Variants in MRTFA observed in about 807,000 individuals in gnomAD.
The protein encoded by MRTFA is myocardin related transcription factor A.
MRTFA carries 20 observed loss-of-function variants against 83.5 expected under a neutral mutation model. That is an observed-to-expected ratio of 0.24 (90% confidence interval 0.17 to 0.35). MRTFA has a LOEUF of 0.35. MRTFA is among the 10% of genes least tolerant of loss of function. MRTFA has a pLI of 1.00. For synonymous variants in MRTFA, 659 were observed against 541.2 expected, an observed-to-expected ratio of 1.22 and a Z score of -3.02; for missense variants, 1,200 against 1,224.7, an observed-to-expected ratio of 0.98 and a Z score of 0.30.
intron 1 of MRTFA, among the ~76,000 whole-genome samples, chr22:40,624,633 G>A (rs1024708278): frequency 3.3e-5 from 5 of 151,986 alleles, no homozygotes; most frequent in African/African-American, 7.3e-5. Flanking sequence ...TCTAGAAAGC[G>A]TTTTCTAAGC....
In MRTFA at chr22:40,570,126, C is replaced by A. The variant is rs148206213; in HGVS notation, c.-21-17759G>T. Reference sequence around the variant, plus strand: ...TGCCCAATATCCTCTCTCACTCCTTCTTCCCAGTAAAAGAATACATAAGTT... The same window carrying A: ...TGCCCAATATCCTCTCTCACTCCTTATTCCCAGTAAAAGAATACATAAGTT... On this transcript the variant is annotated intron_variant, in intron 2 of 14. Transcript: ENST00000355630. Among the ~76,000 whole-genome samples, 3 of 152,296 alleles carry A rather than the reference C, an allele frequency of 2.0e-5. No homozygotes were observed. The East Asian group carries it at 5.8e-4, about 29-fold the overall frequency.
At chr22:40,420,640 C>T (rs758710197) in intron 10 of MRTFA, 64 bp from the exon 11 acceptor site, 20 of 1,583,162 alleles carry the variant, frequency 1.3e-5, no homozygotes, top group Non-Finnish European at 1.7e-5. Flanking sequence ...AGGTGGCAGC[C>T]CAAGCCTGGG....
At chr22:40,537,021 G>GC (rs1411926450) in intron 3 of MRTFA, among the ~76,000 whole-genome samples, 1 of 81,116 alleles carries the variant, frequency 1.2e-5, no homozygotes, top group Non-Finnish European at 2.5e-5. Context: ...GTGGGGGGGG[G>GC]TCAGCCCCCC....
Position 40,621,980 on chromosome 22 carries a change from G to A in MRTFA, c.-84+14498C>T, listed in dbSNP as rs1056962930. Among the ~76,000 whole-genome samples the A allele has an allele frequency of 1.1e-4, 17 of 152,256 alleles. No homozygotes were observed. In the South Asian group the frequency reaches 2.1e-3, roughly 19 times the overall value. On this transcript the variant is annotated intron_variant, in intron 1 of 14. Transcript: ENST00000355630. ...CAGAGTTGGTGACAGAAGAGATCTCGGGCTTGAGTTGATGTTGCAATGGGT... is the reference window on the plus strand; with the variant it reads ...CAGAGTTGGTGACAGAAGAGATCTCAGGCTTGAGTTGATGTTGCAATGGGT...
At chr22:40,461,793 C>T (rs764177924) in intron 4 of MRTFA, among the ~76,000 whole-genome samples, 5 of 151,778 alleles carry the variant, frequency 3.3e-5, no homozygotes, top group Non-Finnish European at 5.9e-5. Context: ...AGCAAGACTC[C>T]GTCTTAAAAA....
chr22:40,414,487 A>T (rs1334384527), intron 14 of MRTFA, among the ~76,000 whole-genome samples: 1 of 152,260 alleles, frequency 6.6e-6, no homozygotes, highest in African/African-American at 2.4e-5. Context: ...GTCCAGCCAC[A>T]GATGAATGGA....
chr22:40,471,468 GAAGA>G (rs1167671350), intron 3 of MRTFA, among the ~76,000 whole-genome samples: 1 of 152,220 alleles, frequency 6.6e-6, no homozygotes, highest in East Asian at 1.9e-4. Flanking sequence ...TATTGAAATT[GAAGA>G]AAGAAATAGA....
chr22:40,502,276 C>T (rs930977534), intron 3 of MRTFA, among the ~76,000 whole-genome samples: 3 of 131,990 alleles, frequency 2.3e-5, no homozygotes, highest in African/African-American at 5.9e-5. Context: ...GGGCGGCTGC[C>T]GGGCGGAGGG....
At chr22:40,546,341 G>A (rs1198036135) in intron 3 of MRTFA, among the ~76,000 whole-genome samples, 2 of 152,202 alleles carry the variant, frequency 1.3e-5, no homozygotes, top group African/African-American at 4.8e-5. Context: ...GAGGTAGGCA[G>A]AGAAAGATAG....
intron 1 of MRTFA, among the ~76,000 whole-genome samples, chr22:40,603,832 T>G (rs2056287494): frequency 6.6e-6 from 1 of 151,484 alleles, no homozygotes; most frequent in East Asian, 1.9e-4. Context: ...GGCTGGTCCT[T>G]GAACTCCTGG....
At chr22:40,596,034 G>A (rs1296961450) in intron 1 of MRTFA, among the ~76,000 whole-genome samples, 2 of 151,608 alleles carry the variant, frequency 1.3e-5, no homozygotes, top group Non-Finnish European at 1.5e-5. Context: ...AGTCTCACAA[G>A]CCTTTGCTCT....
intron 1 of MRTFA, among the ~76,000 whole-genome samples, chr22:40,630,746 A>G (rs1298476660): frequency 6.6e-6 from 1 of 152,212 alleles, no homozygotes; most frequent in African/African-American, 2.4e-5. Context: ...TCTGTTAACC[A>G]GGCTGGAGCA....
intron 4 of MRTFA, among the ~76,000 whole-genome samples, chr22:40,441,742 G>A (rs553701388): frequency 1.3e-5 from 2 of 151,768 alleles, no homozygotes; most frequent in South Asian, 2.1e-4. Flanking sequence ...AGCCGAGACC[G>A]TGACACTGTA....
intron 2 of MRTFA, among the ~76,000 whole-genome samples, chr22:40,561,322 T>C (rs2147328516): frequency 6.6e-6 from 1 of 151,962 alleles, no homozygotes; most frequent in South Asian, 2.1e-4. Context: ...CCCTACGTCC[T>C]ACTGTAGAAG....
At chr22:40,533,585 A>T (rs933532743) in intron 3 of MRTFA, 3 of 1,227,038 alleles carry the variant, frequency 2.4e-6, no homozygotes, top group African/African-American at 3.1e-5. Context: ...ATTTATGTGA[A>T]TTACCTGACT....
At chr22:40,615,648 T>G (rs2056439564) in intron 1 of MRTFA, among the ~76,000 whole-genome samples, 1 of 152,072 alleles carries the variant, frequency 6.6e-6, no homozygotes, top group South Asian at 2.1e-4. Flanking sequence ...TGGCAATGTT[T>G]TATAATTTTC....
At chr22:40,587,274 C>A in intron 2 of MRTFA, 1 of 489,576 alleles carries the variant, frequency 2.0e-6, no homozygotes, top group East Asian at 5.8e-5. Flanking sequence ...CAGAAATGTC[C>A]CACATGCCCA....
At chr22:40,428,813 A>G (rs1417263056) in intron 7 of MRTFA, among the ~76,000 whole-genome samples, 1 of 151,892 alleles carries the variant, frequency 6.6e-6, no homozygotes, top group Admixed American at 6.6e-5. Flanking sequence ...CCCACCTCTC[A>G]TCTTGACACC....
At chr22:40,470,654 A>G (rs1443570445) in intron 3 of MRTFA, among the ~76,000 whole-genome samples, 1 of 152,112 alleles carries the variant, frequency 6.6e-6, no homozygotes, top group East Asian at 1.9e-4. Context: ...ATGATACAGA[A>G]AACAGAAAAA....
Sources: gnomAD v4.1 joint callset for allele counts (sites outside exome capture counted in the v4.1 genomes callset) on GRCh38, gnomAD v4.1.1 for gene constraint, MANE v1.5 for transcripts, NCBI Gene and HGNC (gene_info 2026-07-23, HGNC 2026-07-21) for gene names.